EXOSC4: variants seen among roughly 807,000 people sequenced by gnomAD.
EXOSC4 encodes the protein exosome complex component RRP41.
In EXOSC4, 14 loss-of-function variants were observed where a neutral mutation model predicts 20.0. The ratio of observed to expected loss-of-function variants is 0.70; its 90% CI spans 0.46 to 1.09. The LOEUF (loss-of-function observed/expected upper bound fraction) is 1.09, where lower values mean the gene tolerates loss of function less well. Ranked by LOEUF, EXOSC4 falls within the 50% of genes least tolerant of loss-of-function variation. The pLI is 0.00. For synonymous variants in EXOSC4, 148 were observed against 146.4 expected (o/e 1.01, Z -0.08); for missense variants, 337 against 334.0 (o/e 1.01, Z -0.07).
the EXOSC4 span, among the ~76,000 whole-genome samples, chr8:144,071,213 TCCCC>T: frequency 7.2e-4 from 4 of 5,538 alleles, no homozygotes; most frequent in African/African-American, 3.7e-3. Context: ...CCCTCCCCTC[TCCCC>T]TCCCCTCCCC....
the EXOSC4 span, among the ~76,000 whole-genome samples, chr8:144,070,489 A>G: frequency 6.8e-6 from 1 of 147,230 alleles, no homozygotes; most frequent in East Asian, 2.0e-4. Flanking sequence ...ACACCACTGC[A>G]CTCCAGCCTG....
upstream of EXOSC4, among the ~76,000 whole-genome samples, chr8:144,077,433 A>G (rs1835846317): frequency 6.6e-6 from 1 of 152,190 alleles, no homozygotes; most frequent in Non-Finnish European, 1.5e-5. Flanking sequence ...GACCAGCTGC[A>G]GCAGCAGGGT....
At chr8:144,070,223 CA>C in the EXOSC4 span, among the ~76,000 whole-genome samples, 2 of 152,064 alleles carry the variant, frequency 1.3e-5, no homozygotes, top group African/African-American at 4.8e-5. Flanking sequence ...TTGGTCAGGA[CA>C]CAGAAGGAAA....
chr8:144,079,911 T>C lies in EXOSC4; in HGVS notation c.172-32T>C, dbSNP rs376040142. The stretch of plus-strand genomic sequence containing the variant: ...ACAGTGGAGTGTGAGCTGGAAGGAG[T>C]GGGCCTGGCTCATGTGTCTGTCCTC... On this transcript the variant is annotated intron_variant, in intron 1 of 2. Coordinates refer to ENST00000316052, the MANE Select transcript of EXOSC4 (RefSeq NM_019037.3). 1.9e-6 allele frequency: 3 copies of C among 1,603,638 alleles called. No individual in the cohort carries two copies. The South Asian group carries it at 3.3e-5, about 18-fold the overall frequency.
Position 144,078,978 on chromosome 8 carries a change from T to TTTTTTAA in EXOSC4, c.171+80_171+81insTTTTAAT. On this transcript the variant is annotated intron_variant, in intron 1 of 2. Coordinates refer to ENST00000316052, the MANE Select transcript of EXOSC4 (RefSeq NM_019037.3). The surrounding 1 kb of genome is among the most constrained non-coding windows in gnomAD (Gnocchi z 4.7). Reference sequence around the variant, plus strand: ...CCGGGCTGAGCGCTGGCTCGGGGACTTGAGGGGCAACGGCCGGCGCGCCTC... The same window carrying TTTTTTAA: ...CCGGGCTGAGCGCTGGCTCGGGGACTTTTTTAATGAGGGGCAACGGCCGGCGCGCCTC... The TTTTTTAA allele has an allele frequency of 1.0e-5, 14 of 1,357,504 alleles. No individual in the cohort carries two copies. The highest frequency in any genetic ancestry group is 8.6e-5 in the South Asian group (5 of 58,020). The allele number at this position is 1,357,504 out of a possible 1,614,324, so 84.1% of individuals were successfully genotyped here. A position where few individuals can be genotyped will look rare whatever the true frequency, so the allele number is the denominator to read the frequency against.
intron 1 of EXOSC4, 112 bp from the exon 2 acceptor site, chr8:144,079,831 G>C (rs782110709): frequency 9.9e-7 from 1 of 1,012,892 alleles, no homozygotes; most frequent in South Asian, 1.3e-5. Context: ...TGGAGGTAAC[G>C]CAGTTGCCCC....
Position 144,080,448 on chromosome 8 carries a change from G to C in EXOSC4, c.585G>C (p.Gln195His), listed in dbSNP as rs1835889203. ...TGGCCCTGCTGCCAGCCTCAGGACA[G>C]ATTGCGCTGCTTGAGATGGATGCCC... Reference protein sequence around the residue: ...LALALLPASGQIALLEMDARL... With the variant: ...LALALLPASGHIALLEMDARL... Residue 195 changes from glutamine (Q) to histidine (H), a missense_variant, in exon 3 of 3, where the codon CAG (glutamine) becomes CAC (histidine). Gln to His is a conservative substitution (Grantham distance 24). Coordinates refer to ENST00000316052, the MANE Select transcript of EXOSC4 (RefSeq NM_019037.3). This position sits in a 1 kb window ranked among gnomAD's most constrained non-coding sequence, Gnocchi z 4.9. 1 of 1,609,710 alleles carries C rather than the reference G, an allele frequency of 6.2e-7. No individual in the cohort carries two copies. Among genetic ancestry groups the C allele is most frequent in the African/African-American group, 1.3e-5 (1 of 74,936 alleles).
chr8:144,065,721 T>G, the EXOSC4 span, among the ~76,000 whole-genome samples: 5 of 152,060 alleles, frequency 3.3e-5, no homozygotes, highest in African/African-American at 1.2e-4. Flanking sequence ...GGCAACAGAA[T>G]AAGACTCTGT....
chr8:144,070,442 T>C, the EXOSC4 span, among the ~76,000 whole-genome samples: 2 of 151,170 alleles, frequency 1.3e-5, no homozygotes, highest in Admixed American at 6.6e-5. Flanking sequence ...GAGAACCGCT[T>C]GAACCCAGGA....
At chr8:144,072,685 AC>A in the EXOSC4 span, among the ~76,000 whole-genome samples, 1 of 152,096 alleles carries the variant, frequency 6.6e-6, no homozygotes, top group Non-Finnish European at 1.5e-5. Context: ...GGCTTATTTC[AC>A]TTAACATAAT....
the EXOSC4 span, among the ~76,000 whole-genome samples, chr8:144,069,323 C>T: frequency 4.6e-5 from 7 of 152,188 alleles, no homozygotes; most frequent in East Asian, 1.9e-4. Context: ...CTTACAGTCC[C>T]GGAGACCAAA....
intron 1 of EXOSC4, chr8:144,079,103 C>T (rs1185824956): frequency 4.0e-6 from 2 of 499,118 alleles, no homozygotes; most frequent in African/African-American, 2.0e-5. Flanking sequence ...GGCCTCTGTC[C>T]CTGCGCCCTC....
At chr8:144,077,600 T>C (rs1275612371), upstream of EXOSC4, among the ~76,000 whole-genome samples, 2 of 152,194 alleles carry the variant, frequency 1.3e-5, no homozygotes, top group African/African-American at 4.8e-5. Context: ...CTCCTCCCAC[T>C]GAAGGGTGGG....
intron 1 of EXOSC4, chr8:144,079,687 G>C (rs1564302133): frequency 1.5e-6 from 1 of 658,764 alleles, no homozygotes; most frequent in Non-Finnish European, 2.8e-6. Flanking sequence ...GTGTAGGTGA[G>C]ACAGAAGCAG....
the EXOSC4 span, among the ~76,000 whole-genome samples, chr8:144,066,432 TTC>T: frequency 3.4e-5 from 5 of 148,722 alleles, no homozygotes; most frequent in East Asian, 3.9e-4. Context: ...AGTAGAGTTT[TTC>T]TCTTTTTTTT....
the EXOSC4 span, among the ~76,000 whole-genome samples, chr8:144,066,291 T>C: frequency 2.7e-3 from 416 of 151,884 alleles, 1 homozygote; most frequent in African/African-American, 9.7e-3. Context: ...AATGCTGGGA[T>C]TACAGGCGTG....
At chr8:144,079,717 G>A (rs1554763202) in intron 1 of EXOSC4, 1 of 688,002 alleles carries the variant, frequency 1.5e-6, no homozygotes, top group Admixed American at 2.0e-5. Flanking sequence ...TTGTAAACTT[G>A]GGTTGGCAGG....
chr8:144,066,458 T>C, the EXOSC4 span, among the ~76,000 whole-genome samples: 3 of 143,930 alleles, frequency 2.1e-5, no homozygotes, highest in African/African-American at 5.1e-5. Flanking sequence ...TTTTTTTTTT[T>C]TGAGACAGAG....
rs1554763394 is a variant in EXOSC4, at chr8:144,080,645, C to T, written c.*44C>T. ...CCAGAATAAAACCCTCCTCTGCCCACACACCCCTCACTGTACGTTATCACC... is the reference window on the plus strand; with the variant it reads ...CCAGAATAAAACCCTCCTCTGCCCATACACCCCTCACTGTACGTTATCACC... On this transcript the variant is annotated 3_prime_UTR_variant, in exon 3 of 3. Transcript: ENST00000316052. The surrounding 1 kb of genome is among the most constrained non-coding windows in gnomAD (Gnocchi z 4.9). 1 of 1,572,878 alleles carries T rather than the reference C, an allele frequency of 6.4e-7. No individual in the cohort carries two copies. Among genetic ancestry groups the T allele is most frequent in the Non-Finnish European group, 8.6e-7 (1 of 1,165,762 alleles).
Sources: gnomAD v4.1 joint callset for allele counts (sites outside exome capture counted in the v4.1 genomes callset) on GRCh38, gnomAD v4.1.1 for gene constraint, Gnocchi (gnomAD v3.1) non-coding constraint, MANE v1.5 for transcripts, NCBI Gene and HGNC (gene_info 2026-07-23, HGNC 2026-07-21) for gene names.